The following CDH13 variants were observed in gnomAD, a reference collection of about 807,000 sequenced individuals.
The protein encoded by CDH13 is cadherin 13, also known as cadherin-13.
A neutral mutation model predicts 63.8 loss-of-function variants in CDH13; 24 were observed. The ratio of observed to expected loss-of-function variants is 0.38; its 90% CI spans 0.27 to 0.53. CDH13 has a LOEUF of 0.53. CDH13 is among the 20% of genes least tolerant of loss of function. The pLI is 0.85. For synonymous variants in CDH13, 503 were observed against 355.3 expected (o/e 1.42, Z -4.67); for missense variants, 1,049 against 903.1 (o/e 1.16, Z -2.07).
chr16:82,807,693 G>A (rs1422082125), intron 1 of CDH13, among the ~76,000 whole-genome samples: 8 of 152,258 alleles, frequency 5.3e-5, no homozygotes, highest in East Asian at 3.9e-4. Flanking sequence ...AAGAGAAAAT[G>A]TGCTTCCTGT....
chr16:82,961,152 T>A (rs1906924259), intron 2 of CDH13, among the ~76,000 whole-genome samples: 1 of 152,150 alleles, frequency 6.6e-6, no homozygotes, highest in Non-Finnish European at 1.5e-5. Context: ...GACTCAGGCT[T>A]CATCCCAGCT....
At position 82,689,926 on chromosome 16, in the gene CDH13, C is replaced by G. The variant is rs988202801; in HGVS notation, c.45+62789C>G. Among the ~76,000 whole-genome samples, 7 of 129,272 alleles carry G rather than the reference C, an allele frequency of 5.4e-5. No homozygotes were observed. In the East Asian group the frequency reaches 1.1e-3, roughly 21 times the overall value. The allele number at this position is 129,272 out of a possible 152,430, so 84.8% of individuals were successfully genotyped here. A position where few individuals can be genotyped will look rare whatever the true frequency, so the allele number is the denominator to read the frequency against. ...TTTGGAGGCCAAGGTGGGCTGATCA[C>G]TTGAGGTCAGGAGTTCGACACCAGC... On this transcript the variant is annotated intron_variant, in intron 1 of 13. Transcript: ENST00000567109.
At chr16:82,870,511 T>A (rs2040306847) in intron 2 of CDH13, among the ~76,000 whole-genome samples, 1 of 152,002 alleles carries the variant, frequency 6.6e-6, no homozygotes. Flanking sequence ...GGAGGGAGAA[T>A]AAAGTGGGGT....
intron 6 of CDH13, among the ~76,000 whole-genome samples, chr16:83,414,502 A>G (rs1248786292): frequency 6.6e-6 from 1 of 152,178 alleles, no homozygotes; most frequent in African/African-American, 2.4e-5. Context: ...ACAGCATTGT[A>G]TGGCAGATTG....
chr16:83,101,256 C>G (rs1049028080), intron 3 of CDH13, among the ~76,000 whole-genome samples: 1 of 149,846 alleles, frequency 6.7e-6, no homozygotes, highest in Non-Finnish European at 1.5e-5. Context: ...AGTATATATA[C>G]TTATGTATAC....
chr16:82,965,614 C>T (rs1907684944), intron 2 of CDH13, among the ~76,000 whole-genome samples: 3 of 152,138 alleles, frequency 2.0e-5, no homozygotes, highest in Non-Finnish European at 4.4e-5. Context: ...TCACTGCAAC[C>T]TCTACTTCCA....
chr16:82,845,451 C>T (rs958817725), intron 1 of CDH13, among the ~76,000 whole-genome samples: 23 of 152,188 alleles, frequency 1.5e-4, no homozygotes, highest in African/African-American at 5.5e-4. Flanking sequence ...AGAAACTCAT[C>T]GCAGCAGCAA....
intron 3 of CDH13, among the ~76,000 whole-genome samples, chr16:83,080,265 C>T (rs145449634): frequency 4.8e-4 from 73 of 152,240 alleles, no homozygotes; most frequent in Non-Finnish European, 8.2e-4. Flanking sequence ...TGATGACAGC[C>T]AGCTGTTTGG....
At chr16:83,081,811 T>A (rs1290993661) in intron 3 of CDH13, among the ~76,000 whole-genome samples, 2 of 152,154 alleles carry the variant, frequency 1.3e-5, no homozygotes, top group African/African-American at 4.8e-5. Context: ...ATTACCTTTT[T>A]TTTTTTGAGA....
intron 4 of CDH13, among the ~76,000 whole-genome samples, chr16:83,149,184 A>G (rs1416918268): frequency 6.6e-6 from 1 of 152,212 alleles, no homozygotes; most frequent in Non-Finnish European, 1.5e-5. Context: ...TTCAGCAACT[A>G]ATTTCCTGTA....
chr16:82,809,624 G>A (rs1162512411), intron 1 of CDH13, among the ~76,000 whole-genome samples: 1 of 151,930 alleles, frequency 6.6e-6, no homozygotes, highest in African/African-American at 2.4e-5. Flanking sequence ...ATTTATGTAC[G>A]TACTTCCCTT....
intron 2 of CDH13, among the ~76,000 whole-genome samples, chr16:83,011,592 G>C (rs892637001): frequency 6.6e-6 from 1 of 152,200 alleles, no homozygotes; most frequent in Non-Finnish European, 1.5e-5. Flanking sequence ...TCCTGTACCA[G>C]GTTGCACAAG....
intron 3 of CDH13, among the ~76,000 whole-genome samples, chr16:83,117,864 G>A (rs7200047): frequency 0.54 from 81,406 of 151,542 alleles, 22,035 homozygotes; most frequent in East Asian, 0.61. Context: ...GTGTTGTGGT[G>A]CTTCCAGACA....
At chr16:83,759,605 A>G (rs371069320) in intron 11 of CDH13, among the ~76,000 whole-genome samples, 33 of 152,274 alleles carry the variant, frequency 2.2e-4, no homozygotes, top group African/African-American at 7.2e-4. Context: ...AAAGTAACCT[A>G]CAGAGTAGAA....
intron 4 of CDH13, among the ~76,000 whole-genome samples, chr16:83,128,535 TAAG>T (rs1169249890): frequency 1.3e-5 from 2 of 152,230 alleles, no homozygotes; most frequent in Non-Finnish European, 2.9e-5. Context: ...TAGGTTATAA[TAAG>T]GACAATCACA....
At chr16:82,830,879 T>G (rs1382151857) in intron 1 of CDH13, among the ~76,000 whole-genome samples, 1 of 152,232 alleles carries the variant, frequency 6.6e-6, no homozygotes, top group African/African-American at 2.4e-5. Flanking sequence ...AGATATAGAA[T>G]AAGTCATTGG....
At chr16:83,205,217 C>G (rs888129284) in intron 4 of CDH13, among the ~76,000 whole-genome samples, 4 of 152,184 alleles carry the variant, frequency 2.6e-5, no homozygotes, top group African/African-American at 9.7e-5. Flanking sequence ...TCAAAGGGCT[C>G]AGTGATCAGG....
chr16:82,656,715 T>C (rs1441122166), intron 1 of CDH13, among the ~76,000 whole-genome samples: 1 of 152,170 alleles, frequency 6.6e-6, no homozygotes, highest in East Asian at 1.9e-4. Flanking sequence ...AGCCCTAAAA[T>C]ACTTGCTCTG....
Position 83,137,594 on chromosome 16 carries a change from C to G in CDH13, c.483+12093C>G, listed in dbSNP as rs182114853. Among the ~76,000 whole-genome samples, 131 of 152,240 alleles carry G rather than the reference C, an allele frequency of 8.6e-4. 1 individual carries two copies. In the Middle Eastern group the frequency reaches 0.014, roughly 16 times the overall value. On this transcript the variant is annotated intron_variant, in intron 4 of 13. Transcript: ENST00000567109. ...TTTTGTTGGTGTCTCCGCTGACAAC[C>G]CTGTTCAAAGAGAGCCACAAGGAAT...
Sources: gnomAD v4.1 joint callset for allele counts (sites outside exome capture counted in the v4.1 genomes callset) on GRCh38, gnomAD v4.1.1 for gene constraint, MANE v1.5 for transcripts, NCBI Gene and HGNC (gene_info 2026-07-23, HGNC 2026-07-21) for gene names.